WWC1: variants seen among roughly 807,000 people sequenced by gnomAD.
WWC1 encodes WW and C2 domain containing 1.
WWC1 carries 55 observed loss-of-function variants against 138.4 expected under a neutral mutation model. The ratio of observed to expected loss-of-function variants is 0.40; its 90% CI spans 0.32 to 0.50. The LOEUF (loss-of-function observed/expected upper bound fraction) is 0.50. WWC1 is among the 20% of genes least tolerant of loss of function. The pLI is 0.72. For synonymous variants in WWC1, 524 were observed against 564.9 expected (o/e 0.93, Z 1.03); for missense variants, 1,226 against 1,420.4 (o/e 0.86, Z 2.20).
chr5:168,412,887 C>G (rs966725055), intron 8 of WWC1, among the ~76,000 whole-genome samples: 2 of 152,124 alleles, frequency 1.3e-5, no homozygotes, highest in African/African-American at 4.8e-5. Context: ...ATATAAAGCA[C>G]TTGAGCATCC....
At chr5:168,405,373 CT>C (rs1428930246) in intron 5 of WWC1, among the ~76,000 whole-genome samples, 1 of 152,150 alleles carries the variant, frequency 6.6e-6, no homozygotes, top group Admixed American at 6.5e-5. Flanking sequence ...GCCAGGTATA[CT>C]GCTAAATATC....
At chr5:168,416,768 A>T (rs749103124) in intron 9 of WWC1, among the ~76,000 whole-genome samples, 5 of 152,244 alleles carry the variant, frequency 3.3e-5, no homozygotes, top group Admixed American at 2.0e-4. Context: ...AACAGGATAC[A>T]TTAAGTCTCA....
chr5:168,326,112 AG>A (rs1258023218), intron 1 of WWC1, among the ~76,000 whole-genome samples: 3 of 152,008 alleles, frequency 2.0e-5, no homozygotes, highest in Admixed American at 1.3e-4. Context: ...TAATGCTGCT[AG>A]GAATGTGAGT....
At chr5:168,308,279 T>C (rs1436399032) in intron 1 of WWC1, among the ~76,000 whole-genome samples, 1 of 143,320 alleles carries the variant, frequency 7.0e-6, no homozygotes, top group African/African-American at 2.6e-5. Flanking sequence ...TCACCCTACA[T>C]GGATCTTACA....
chr5:168,339,917 C>CTT lies in WWC1; in HGVS notation c.120-31506_120-31505insTT, dbSNP rs1388355168. ...TCTGTCTCTCTCTCTTTCTCTCTCT[C>CTT]TCTCTCTTTCTCTCTTTCTCTCTCT... On this transcript the variant is annotated intron_variant, in intron 1 of 22. Coordinates refer to ENST00000265293, the MANE Select transcript of WWC1 (RefSeq NM_015238.3). 2.8e-3 allele frequency among the ~76,000 whole-genome samples: 385 copies of CTT among 135,386 alleles called. 1 individual carries two copies. Among genetic ancestry groups the CTT allele is most frequent in the African/African-American group, 0.011 (368 of 32,026 alleles). 88.8% of individuals were successfully genotyped at this position (135,386 alleles called of 152,430 possible). A position where few individuals can be genotyped will look rare whatever the true frequency, so the allele number is the denominator to read the frequency against.
At chr5:168,352,637 G>A (rs1312223171) in intron 1 of WWC1, among the ~76,000 whole-genome samples, 1 of 151,104 alleles carries the variant, frequency 6.6e-6, no homozygotes, top group East Asian at 1.9e-4. Context: ...AGGCTGGAGT[G>A]CAGTAGCATG....
intron 20 of WWC1, among the ~76,000 whole-genome samples, chr5:168,461,023 AAGTC>A (rs1464902525): frequency 6.6e-6 from 1 of 152,138 alleles, no homozygotes; most frequent in African/African-American, 2.4e-5. Flanking sequence ...ATAGAAATCA[AAGTC>A]AGTAAGAACT....
Position 168,424,034 on chromosome 5 carries a change from G to A in WWC1, c.1776G>A (p.Glu592=). 1 of 1,609,792 alleles carries A rather than the reference G, an allele frequency of 6.2e-7. No individual in the cohort carries two copies. Among genetic ancestry groups the A allele is most frequent in the East Asian group, 2.2e-5 (1 of 44,870 alleles). ...GCGCCCAGGAAAGATACCGGCTGGA[G>A]GAACCAGGAACGGAGGGCAAGCAGC... The part of the protein sequence containing the change: ...GNSAQERYRL[E]EPGTEGKQLG... Residue 592 remains glutamate (E), a synonymous_variant, in exon 11 of 23, where the codon GAG becomes GAA. Transcript: ENST00000265293.
At chr5:168,332,194 A>C (rs193000478) in intron 1 of WWC1, among the ~76,000 whole-genome samples, 111 of 152,224 alleles carry the variant, frequency 7.3e-4, no homozygotes, top group African/African-American at 2.4e-3. Flanking sequence ...TCAGTAGCAC[A>C]AAAGAATGAC....
chr5:168,349,419 G>A (rs76200084), intron 1 of WWC1, among the ~76,000 whole-genome samples: 2,786 of 152,246 alleles, frequency 0.018, 39 homozygotes, highest in South Asian at 0.054. Flanking sequence ...TTGGGCTCAG[G>A]AAATCCCTTC....
At chr5:168,304,394 G>A (rs1004940200) in intron 1 of WWC1, among the ~76,000 whole-genome samples, 2 of 152,198 alleles carry the variant, frequency 1.3e-5, no homozygotes, top group Non-Finnish European at 2.9e-5. Flanking sequence ...CAAAACAAAT[G>A]TAAGTGGTTT....
chr5:168,356,167 T>C (rs940282976), intron 1 of WWC1, among the ~76,000 whole-genome samples: 1 of 152,224 alleles, frequency 6.6e-6, no homozygotes, highest in African/African-American at 2.4e-5. Flanking sequence ...CATGGCAGAA[T>C]CCTGCCGCAT....
intron 3 of WWC1, among the ~76,000 whole-genome samples, chr5:168,388,229 A>T (rs913762213): frequency 2.0e-5 from 3 of 152,214 alleles, no homozygotes; most frequent in Non-Finnish European, 4.4e-5. Flanking sequence ...TCTGAATCTA[A>T]TCAAGAGCAC....
intron 5 of WWC1, among the ~76,000 whole-genome samples, chr5:168,405,426 T>C (rs1025885922): frequency 2.6e-5 from 4 of 152,190 alleles, no homozygotes; most frequent in African/African-American, 7.2e-5. Context: ...CAAAAAAGAA[T>C]GAGACAGACA....
chr5:168,414,281 T>G, intron 8 of WWC1, 67 bp from the exon 9 acceptor site: 1 of 1,564,702 alleles, frequency 6.4e-7, no homozygotes, highest in South Asian at 1.2e-5. Flanking sequence ...GTCTGTTTCT[T>G]CATGGCATCT....
chr5:168,369,634 C>G (rs543169581), intron 1 of WWC1, among the ~76,000 whole-genome samples: 2 of 152,270 alleles, frequency 1.3e-5, no homozygotes, highest in South Asian at 4.1e-4. Context: ...CAGCAGCCTT[C>G]CACAGTGCAG....
intron 1 of WWC1, among the ~76,000 whole-genome samples, chr5:168,311,748 G>A (rs530299220): frequency 6.6e-6 from 1 of 152,292 alleles, no homozygotes; most frequent in Admixed American, 6.5e-5. Context: ...GTGGTGGCAG[G>A]TGTTTGTAGT....
At chr5:168,468,048 C>T (rs901658126) in intron 22 of WWC1, 84 bp downstream of exon 22, 29 of 1,572,956 alleles carry the variant, frequency 1.8e-5, no homozygotes, top group Non-Finnish European at 2.5e-5. Flanking sequence ...TTACTGCTCT[C>T]ATCCCTTGCT....
intron 1 of WWC1, among the ~76,000 whole-genome samples, chr5:168,355,022 G>A (rs1472154104): frequency 6.6e-6 from 1 of 152,178 alleles, no homozygotes; most frequent in Non-Finnish European, 1.5e-5. Context: ...ATATTAGGGA[G>A]CCTCAACTCT....
Sources: gnomAD v4.1 joint callset for allele counts (sites outside exome capture counted in the v4.1 genomes callset) on GRCh38, gnomAD v4.1.1 for gene constraint, MANE v1.5 for transcripts, NCBI Gene and HGNC (gene_info 2026-07-23, HGNC 2026-07-21) for gene names.